The following EPHB1 variants were observed in gnomAD, a reference collection of about 807,000 sequenced individuals.
The protein encoded by EPHB1 is EPH receptor B1.
In EPHB1, 30 loss-of-function variants were observed where a neutral mutation model predicts 94.4. The ratio of observed to expected loss-of-function variants is 0.32; its 90% CI spans 0.24 to 0.43. The LOEUF (loss-of-function observed/expected upper bound fraction) is 0.43. Among genes scored for constraint, EPHB1 ranks in the 20% least tolerant of loss-of-function variants. The pLI is 1.00. For synonymous variants in EPHB1, 522 were observed against 489.1 expected (o/e 1.07, Z -0.89); for missense variants, 1,055 against 1,308.3 (o/e 0.81, Z 2.99).
intron 3 of EPHB1, among the ~76,000 whole-genome samples, chr3:135,064,673 AT>A (rs1169724865): frequency 1.3e-5 from 2 of 151,400 alleles, no homozygotes; most frequent in African/African-American, 2.4e-5. Context: ...TATCTTTTGT[AT>A]TTTTTTTAAA....
intron 12 of EPHB1, among the ~76,000 whole-genome samples, chr3:135,218,013 T>G (rs960494243): frequency 3.3e-5 from 5 of 152,118 alleles, no homozygotes; most frequent in Admixed American, 2.6e-4. Context: ...AAATCATAGT[T>G]TTCTTCTCTT....
At chr3:135,139,948 C>CTAATTCTCCTTCCAGGTTGTGAGCAGTGG (rs1481200805) in intron 5 of EPHB1, among the ~76,000 whole-genome samples, 2 of 152,114 alleles carry the variant, frequency 1.3e-5, no homozygotes, top group Admixed American at 6.5e-5. Context: ...TGAGCAGTGG[C>CTAATTCTCCTTCCAGGTTGTGAGCAGTGG]TTGTGATGCT....
At chr3:134,848,451 G>A (rs1379917825) in intron 1 of EPHB1, among the ~76,000 whole-genome samples, 1 of 152,160 alleles carries the variant, frequency 6.6e-6, no homozygotes, top group Non-Finnish European at 1.5e-5. Context: ...TGCTGATTAG[G>A]ATAATAAAAT....
intron 3 of EPHB1, among the ~76,000 whole-genome samples, chr3:135,102,723 C>A (rs900499090): frequency 6.6e-6 from 1 of 152,148 alleles, no homozygotes; most frequent in East Asian, 1.9e-4. Context: ...GACTTGGAAC[C>A]AACCCAAATG....
rs1229383588 is a variant in EPHB1, at chr3:135,254,190, T to C, written c.2846+4699T>C. On this transcript the variant is annotated intron_variant, in intron 15 of 15. Transcript: ENST00000398015. Reference sequence around the variant, plus strand: ...ACAATTTGACTTCCTCTTTTCCTAATTGAATACCCTTTATTTCCTTCTCCT... The same window carrying C: ...ACAATTTGACTTCCTCTTTTCCTAACTGAATACCCTTTATTTCCTTCTCCT... 1.1e-4 allele frequency among the ~76,000 whole-genome samples: 8 copies of C among 75,952 alleles called. 1 individual carries two copies. Among genetic ancestry groups the C allele is most frequent in the African/African-American group, 1.9e-4 (4 of 20,924 alleles). 49.8% of individuals were successfully genotyped at this position (75,952 alleles called of 152,430 possible). A position where few individuals can be genotyped will look rare whatever the true frequency, so the allele number is the denominator to read the frequency against.
chr3:134,981,276 T>C (rs1209656825), intron 3 of EPHB1, among the ~76,000 whole-genome samples: 1 of 152,180 alleles, frequency 6.6e-6, no homozygotes, highest in African/African-American at 2.4e-5. Context: ...CTAGGTTGTG[T>C]TGCAATAACA....
At chr3:135,138,880 AGGCCCT>A (rs1184977617) in intron 5 of EPHB1, among the ~76,000 whole-genome samples, 3 of 152,248 alleles carry the variant, frequency 2.0e-5, no homozygotes, top group Non-Finnish European at 4.4e-5. Flanking sequence ...GGCCTCAGAA[AGGCCCT>A]GGCCATTTGC....
intron 12 of EPHB1, among the ~76,000 whole-genome samples, chr3:135,205,660 G>T (rs1242020197): frequency 6.6e-6 from 1 of 152,068 alleles, no homozygotes; most frequent in African/African-American, 2.4e-5. Context: ...GAATTTGGCA[G>T]AGAACAGTCA....
intron 2 of EPHB1, among the ~76,000 whole-genome samples, chr3:134,946,880 T>C (rs926720499): frequency 8.5e-5 from 13 of 152,198 alleles, no homozygotes; most frequent in African/African-American, 2.9e-4. Context: ...TGCAGAACTA[T>C]AAACCAGATA....
chr3:135,151,899 G>T (rs924237062), intron 5 of EPHB1, among the ~76,000 whole-genome samples: 1 of 152,160 alleles, frequency 6.6e-6, no homozygotes, highest in Admixed American at 6.5e-5. Flanking sequence ...AAACCTAAAG[G>T]TTATATATAA....
At chr3:134,849,847 G>A (rs958228804) in intron 1 of EPHB1, among the ~76,000 whole-genome samples, 4 of 152,104 alleles carry the variant, frequency 2.6e-5, no homozygotes, top group African/African-American at 7.2e-5. Context: ...ATTGCTTTTC[G>A]CTACATATCT....
At position 135,201,835 on chromosome 3, in the gene EPHB1, A is replaced by G. The variant is rs73862045; in HGVS notation, c.2346+146A>G. Reference sequence around the variant, plus strand: ...GAAAGACCAAGATGCCAGGAGGACCATCCAGCTGGGAGAAGCCATAGCAGC... The same window carrying G: ...GAAAGACCAAGATGCCAGGAGGACCGTCCAGCTGGGAGAAGCCATAGCAGC... On this transcript the variant is annotated intron_variant, in intron 12 of 15. Coordinates refer to ENST00000398015, the MANE Select transcript of EPHB1 (RefSeq NM_004441.5). 1.6e-3 allele frequency: 1,242 copies of G among 799,466 alleles called. 15 individuals carry two copies. In the African/African-American group the frequency reaches 0.018, roughly 12 times the overall value. The allele number at this position is 799,466 out of a possible 1,614,324, so 49.5% of individuals were successfully genotyped here.
At chr3:135,224,802 G>A (rs1377745687) in intron 12 of EPHB1, among the ~76,000 whole-genome samples, 1 of 152,180 alleles carries the variant, frequency 6.6e-6, no homozygotes, top group Non-Finnish European at 1.5e-5. Flanking sequence ...CCAGTCAAAT[G>A]TTCCTTTGTT....
chr3:134,967,982 C>T (rs1050232190), intron 3 of EPHB1, among the ~76,000 whole-genome samples: 1 of 152,176 alleles, frequency 6.6e-6, no homozygotes, highest in Non-Finnish European at 1.5e-5. Context: ...CTATCTTGGC[C>T]CTGTCCAAGG....
intron 1 of EPHB1, among the ~76,000 whole-genome samples, chr3:134,830,034 G>T (rs746166827): frequency 6.6e-6 from 1 of 152,206 alleles, no homozygotes; most frequent in Non-Finnish European, 1.5e-5. Context: ...AGTCTCTGTT[G>T]TGAAAGTCAC....
chr3:134,930,498 A>C (rs573488505), intron 2 of EPHB1, among the ~76,000 whole-genome samples: 3 of 152,200 alleles, frequency 2.0e-5, no homozygotes, highest in Non-Finnish European at 4.4e-5. Flanking sequence ...GACCCTCACC[A>C]CAGGCCCTGG....
chr3:134,862,355 T>C (rs889447752), intron 1 of EPHB1, among the ~76,000 whole-genome samples: 30 of 152,044 alleles, frequency 2.0e-4, no homozygotes, highest in African/African-American at 7.0e-4. Flanking sequence ...CATGGGTGTC[T>C]TTAGTTTGTC....
intron 3 of EPHB1, among the ~76,000 whole-genome samples, chr3:135,032,818 T>C (rs991407418): frequency 2.6e-5 from 4 of 152,228 alleles, no homozygotes; most frequent in Admixed American, 2.0e-4. Context: ...AACTGTGCTT[T>C]TGAGTTCCAG....
At chr3:134,817,915 C>T (rs148394750) in intron 1 of EPHB1, among the ~76,000 whole-genome samples, 1 of 152,364 alleles carries the variant, frequency 6.6e-6, no homozygotes, top group East Asian at 1.9e-4. Context: ...GTCGGGAGAA[C>T]TGTCTGCCAC....
Sources: allele counts gnomAD v4.1 joint callset (sites outside exome capture counted in the v4.1 genomes callset), GRCh38; gene constraint gnomAD v4.1.1; transcripts MANE v1.5; gene names NCBI Gene and HGNC (gene_info 2026-07-23, HGNC 2026-07-21).